KPNA7: variants seen among roughly 807,000 people sequenced by gnomAD.
KPNA7 encodes importin subunit alpha-8.
KPNA7 carries 54 observed loss-of-function variants against 53.7 expected under a neutral mutation model. That is an observed-to-expected ratio of 1.01 (90% CI 0.81 to 1.26). The LOEUF is 1.26. Among genes scored for constraint, KPNA7 ranks in the 50% most tolerant of loss-of-function variants. The pLI, the probability that KPNA7 is intolerant of heterozygous loss-of-function variation, is 0.00. For synonymous variants in KPNA7, 276 were observed against 259.3 expected, an observed-to-expected ratio of 1.06 and a Z score of -0.62; for missense variants, 640 against 644.5, an observed-to-expected ratio of 0.99 and a Z score of 0.07.
intron 8 of KPNA7, among the ~76,000 whole-genome samples, chr7:99,183,857 G>GT (rs901071147): frequency 1.3e-5 from 2 of 152,016 alleles, no homozygotes; most frequent in African/African-American, 2.4e-5. Context: ...TTTTGTTTTT[G>GT]TTTTTTTGCG....
chr7:99,188,149 T>C (rs1789716729), intron 7 of KPNA7, 151 bp downstream of exon 7: 1 of 780,294 alleles, frequency 1.3e-6, no homozygotes, highest in Non-Finnish European at 1.9e-6. Flanking sequence ...CATTCCAGCC[T>C]GGGTGACAGA....
intron 6 of KPNA7, among the ~76,000 whole-genome samples, chr7:99,190,670 G>GTTTC (rs768586879): frequency 2.7e-5 from 4 of 145,506 alleles, no homozygotes; most frequent in African/African-American, 1.0e-4. Context: ...TTTTTTTTTG[G>GTTTC]GGGGAGACAG....
At chr7:99,189,740 G>T (rs1224974033) in intron 6 of KPNA7, among the ~76,000 whole-genome samples, 2 of 151,862 alleles carry the variant, frequency 1.3e-5, no homozygotes, top group Non-Finnish European at 2.9e-5. Flanking sequence ...TCCTACTTCT[G>T]CCTCCTGAGT....
At chr7:99,203,284 G>A (rs1018623686) in intron 2 of KPNA7, 44 bp from the exon 3 acceptor site, 2 of 1,537,138 alleles carry the variant, frequency 1.3e-6, no homozygotes, top group African/African-American at 1.4e-5. Context: ...CAGGAGTGGG[G>A]ATGTCACATT....
chr7:99,154,207 C>T, the KPNA7 span, among the ~76,000 whole-genome samples: 1 of 150,452 alleles, frequency 6.6e-6, no homozygotes, highest in African/African-American at 2.5e-5. Context: ...CAGCTCACTG[C>T]AACCTCTGCC....
chr7:99,199,065 GAAAAAAAAAAA>G lies in KPNA7; in HGVS notation c.202-2910_202-2900del, dbSNP rs67877761. ...ATCCAAGAGTTATATGCTGCAAACT[GAAAAAAAAAAA>G]AAAAAAAAAAAAGGACTGAAATGAA... On this transcript the variant is annotated intron_variant, in intron 3 of 10. Coordinates refer to ENST00000327442, the MANE Select transcript of KPNA7 (RefSeq NM_001145715.3). Among the ~76,000 whole-genome samples the G allele has an allele frequency of 4.9e-5, 3 of 61,128 alleles. No individual in the cohort carries two copies. The Admixed American group carries it at 6.4e-4, about 13-fold the overall frequency. 40.1% of individuals were successfully genotyped at this position (61,128 alleles called of 152,430 possible).
Position 99,195,256 on chromosome 7 carries a change from T to C in KPNA7, c.367A>G (p.Lys123Glu). ...GLIPRMVEFL[K>E]SSLYPCLQFE... is the part of the protein sequence containing the mutation. The stretch of plus-strand genomic sequence containing the variant: ...TGCAAGCAGGGGTAAAGTGATGACT[T>C]CAGGAACTCCACCATCCTGGGAATG... The change falls in exon 5 of 11, where the codon AAG becomes GAG. Residue 123 changes from lysine (K) to glutamate (E), a missense_variant. Physicochemically the swap from Lys to Glu is moderately conservative, Grantham distance 56 (BLOSUM62 1). Transcript: ENST00000327442. The C allele has an allele frequency of 6.4e-7, 1 of 1,551,526 alleles. No individual in the cohort carries two copies. The highest frequency in any genetic ancestry group is 8.7e-7 in the Non-Finnish European group (1 of 1,146,952).
At chr7:99,218,028 G>T (rs977320837) in intron 1 of KPNA7, among the ~76,000 whole-genome samples, 23 of 151,446 alleles carry the variant, frequency 1.5e-4, no homozygotes, top group African/African-American at 5.3e-4. Flanking sequence ...AGAAAGAGGG[G>T]CCAGAGGGGC....
At chr7:99,182,586 C>G (rs771693589) in intron 8 of KPNA7, among the ~76,000 whole-genome samples, 6 of 152,102 alleles carry the variant, frequency 3.9e-5, no homozygotes, top group Non-Finnish European at 7.4e-5. Flanking sequence ...CCTCCCATCT[C>G]GGCCTCCCAA....
chr7:99,162,637 T>C, the KPNA7 span, among the ~76,000 whole-genome samples: 2 of 152,098 alleles, frequency 1.3e-5, no homozygotes, highest in African/African-American at 4.8e-5. Context: ...AAGGCTGCTT[T>C]GTCATGCAAA....
the KPNA7 span, among the ~76,000 whole-genome samples, chr7:99,165,021 A>G: frequency 6.6e-6 from 1 of 152,120 alleles, no homozygotes; most frequent in Non-Finnish European, 1.5e-5. Flanking sequence ...TGTGCCTGTA[A>G]TCCCAGCTAC....
downstream of KPNA7, among the ~76,000 whole-genome samples, chr7:99,170,543 T>C (rs934632229): frequency 6.6e-6 from 1 of 152,184 alleles, no homozygotes; most frequent in Non-Finnish European, 1.5e-5. Context: ...GGTCTTGCTA[T>C]GTTGCCCAGG....
At chr7:99,205,956 C>G (rs527741697) in intron 2 of KPNA7, among the ~76,000 whole-genome samples, 1 of 152,170 alleles carries the variant, frequency 6.6e-6, no homozygotes, top group African/African-American at 2.4e-5. Context: ...ACACACCCCC[C>G]GTCCCCAGCC....
intron 1 of KPNA7, among the ~76,000 whole-genome samples, chr7:99,218,013 T>C (rs749953187): frequency 1.3e-4 from 20 of 151,952 alleles, no homozygotes; most frequent in Non-Finnish European, 2.1e-4. Flanking sequence ...TCAGTTTCAA[T>C]GCTGAGAAAG....
At chr7:99,168,701 A>T (rs918839651), downstream of KPNA7, among the ~76,000 whole-genome samples, 6 of 152,018 alleles carry the variant, frequency 3.9e-5, no homozygotes, top group Non-Finnish European at 7.4e-5. Flanking sequence ...TCTTGCTATG[A>T]TGCCTAGGCT....
intron 9 of KPNA7, among the ~76,000 whole-genome samples, chr7:99,180,513 C>G (rs1799121646): frequency 6.9e-6 from 1 of 145,030 alleles, no homozygotes; most frequent in South Asian, 2.2e-4. Context: ...GTCTCTCTCT[C>G]TCTGTGTCTC....
At chr7:99,146,575 G>A in the KPNA7 span, among the ~76,000 whole-genome samples, 1 of 151,872 alleles carries the variant, frequency 6.6e-6, no homozygotes, top group East Asian at 1.9e-4. Context: ...AACTGGGTGT[G>A]GTGGTGTGCA....
intron 1 of KPNA7, among the ~76,000 whole-genome samples, chr7:99,218,050 C>T (rs1791257391): frequency 6.6e-6 from 1 of 150,664 alleles, no homozygotes. Flanking sequence ...GCAGGCCATG[C>T]CCAGGTTGAA....
chr7:99,178,771 CAAAAAAAAAAAAAAAAAAAAAAAA>C (rs756807848), intron 9 of KPNA7, among the ~76,000 whole-genome samples: 1 of 27,678 alleles, frequency 3.6e-5, no homozygotes, highest in African/African-American at 1.3e-4. Context: ...ATCTTTGTCT[CAAAAAAAAAAAAAAAAAAAAAAAA>C]AAAAAAAAAA....
Sources: allele counts gnomAD v4.1 joint callset (sites outside exome capture counted in the v4.1 genomes callset), GRCh38; gene constraint gnomAD v4.1.1; transcripts MANE v1.5; gene names NCBI Gene and HGNC (gene_info 2026-07-23, HGNC 2026-07-21).